Variants in GPM6A observed in about 807,000 individuals in gnomAD.
GPM6A encodes the protein glycoprotein M6A.
In GPM6A, 7 loss-of-function variants were observed where a neutral mutation model predicts 32.1. That is an observed-to-expected ratio of 0.22 (90% CI 0.12 to 0.41). The LOEUF (loss-of-function observed/expected upper bound fraction) is 0.41. Ranked by LOEUF, GPM6A falls within the 10% of genes least tolerant of loss-of-function variation. The pLI is 1.00. For missense variants in GPM6A, 235 were observed against 347.2 expected (o/e 0.68, Z 2.57); for synonymous variants, 130 against 123.4 (o/e 1.05, Z -0.35).
chr4:175,650,217 T>C (rs995056278), intron 4 of GPM6A, among the ~76,000 whole-genome samples: 1 of 152,246 alleles, frequency 6.6e-6, no homozygotes, highest in South Asian at 2.1e-4. Context: ...TTGCCCTAAA[T>C]AAAATAAAAC....
chr4:175,690,355 G>T (rs1156342671), intron 2 of GPM6A, among the ~76,000 whole-genome samples: 2 of 152,188 alleles, frequency 1.3e-5, no homozygotes, highest in African/African-American at 4.8e-5. Flanking sequence ...GGCAGGAAAT[G>T]CTGCAATAAA....
chr4:175,912,392 T>C (rs542557889), intron 1 of GPM6A, among the ~76,000 whole-genome samples: 2 of 152,220 alleles, frequency 1.3e-5, no homozygotes, highest in East Asian at 3.9e-4. Flanking sequence ...TGGTGGCTCA[T>C]ACCTGTAATC....
chr4:175,657,081 T>C (rs1244802829), intron 3 of GPM6A, among the ~76,000 whole-genome samples: 2 of 152,186 alleles, frequency 1.3e-5, no homozygotes. Context: ...ATAAAAATAG[T>C]TTGCTAAGTC....
At chr4:175,899,204 A>T (rs1737881353) in intron 1 of GPM6A, among the ~76,000 whole-genome samples, 1 of 152,088 alleles carries the variant, frequency 6.6e-6, no homozygotes, top group Non-Finnish European at 1.5e-5. Context: ...TTTTGTATTT[A>T]TTTGCTTTTC....
rs777167907 is a variant in GPM6A, at chr4:175,673,687, C to T, written c.380G>A (p.Ser127Asn). The T allele has an allele frequency of 6.2e-7, 1 of 1,608,084 alleles. No homozygotes were observed. The highest frequency in any genetic ancestry group is 8.5e-7 in the Non-Finnish European group (1 of 1,175,630). Reference sequence around the variant, plus strand: ...TGTAGAGAACTAACATACCCAAGCGCTCACACATCTGCCACAAGTGGTGAT... The same window carrying T: ...TGTAGAGAACTAACATACCCAAGCGTTCACACATCTGCCACAAGTGGTGAT... Reference protein sequence around the residue: ...FKITTCGRCVSAWFIMLTYLF... With the variant: ...FKITTCGRCVNAWFIMLTYLF... Residue 127 changes from serine to asparagine, a missense_variant, in exon 3 of 7, where the codon AGC (serine) becomes AAC (asparagine). Coordinates refer to ENST00000393658, the MANE Select transcript of GPM6A (RefSeq NM_201591.3).
chr4:175,891,017 T>C (rs1737632209), intron 1 of GPM6A, among the ~76,000 whole-genome samples: 1 of 152,192 alleles, frequency 6.6e-6, no homozygotes, highest in Non-Finnish European at 1.5e-5. Context: ...GCCCTTGACA[T>C]GTGTGAGCAA....
intron 1 of GPM6A, among the ~76,000 whole-genome samples, chr4:175,797,052 G>C (rs1461162547): frequency 1.3e-5 from 2 of 151,830 alleles, no homozygotes; most frequent in African/African-American, 4.8e-5. Flanking sequence ...AAAAATACTG[G>C]CAAATTTAAT....
chr4:175,772,936 C>G (rs1190106725), intron 1 of GPM6A, among the ~76,000 whole-genome samples: 2 of 152,150 alleles, frequency 1.3e-5, no homozygotes, highest in Non-Finnish European at 2.9e-5. Flanking sequence ...CTCTGGACCC[C>G]CTTGGTCAAT....
chr4:175,721,710 A>C (rs1004572162), intron 1 of GPM6A, among the ~76,000 whole-genome samples: 1 of 152,178 alleles, frequency 6.6e-6, no homozygotes. Context: ...TCGATGAAAA[A>C]CTGTTGACAC....
intron 1 of GPM6A, among the ~76,000 whole-genome samples, chr4:175,901,628 C>T (rs148315220): frequency 3.0e-4 from 38 of 126,958 alleles, no homozygotes; most frequent in South Asian, 7.1e-4. Flanking sequence ...TTTTCTTTTT[C>T]TTTTTTTTTT....
At chr4:175,956,450 T>G (rs1173147189) in intron 1 of GPM6A, among the ~76,000 whole-genome samples, 1 of 152,242 alleles carries the variant, frequency 6.6e-6, no homozygotes, top group Non-Finnish European at 1.5e-5. Flanking sequence ...TCTTTTTATT[T>G]GTTTATACTC....
chr4:175,931,644 T>C (rs1739040931), intron 1 of GPM6A, among the ~76,000 whole-genome samples: 1 of 151,328 alleles, frequency 6.6e-6, no homozygotes, highest in Non-Finnish European at 1.5e-5. Flanking sequence ...TAAGAGTCCA[T>C]TTCTGACAGA....
At position 175,697,269 on chromosome 4, in the gene GPM6A, T is replaced by C. The variant is rs1042339534; in HGVS notation, c.230+4306A>G. 4.6e-5 allele frequency among the ~76,000 whole-genome samples: 7 copies of C among 152,298 alleles called. No homozygotes were observed. In the East Asian group the frequency reaches 5.8e-4, roughly 13 times the overall value. On this transcript the variant is annotated intron_variant, in intron 2 of 6. Coordinates refer to ENST00000393658, the MANE Select transcript of GPM6A (RefSeq NM_201591.3). Reference sequence around the variant, plus strand: ...ATTTTCTAACAGTCTCCATATTTTATTGTCCCAAATGAATCTGCTTCACAG... The same window carrying C: ...ATTTTCTAACAGTCTCCATATTTTACTGTCCCAAATGAATCTGCTTCACAG...
At chr4:175,904,163 T>C (rs1011777401) in intron 1 of GPM6A, among the ~76,000 whole-genome samples, 2 of 152,084 alleles carry the variant, frequency 1.3e-5, no homozygotes, top group Non-Finnish European at 2.9e-5. Flanking sequence ...TCTATTATCA[T>C]TCTTAATAAA....
intron 1 of GPM6A, among the ~76,000 whole-genome samples, chr4:175,805,234 A>G (rs972342289): frequency 3.3e-5 from 5 of 152,184 alleles, no homozygotes; most frequent in African/African-American, 9.7e-5. Context: ...ATAAAACAAC[A>G]ATCGGAATAA....
intron 1 of GPM6A, among the ~76,000 whole-genome samples, chr4:175,804,124 A>G (rs1734584523): frequency 3.3e-5 from 5 of 152,196 alleles, no homozygotes. Flanking sequence ...TCAGTGTCAT[A>G]TCTAAGAGTT....
intron 2 of GPM6A, among the ~76,000 whole-genome samples, chr4:175,695,829 T>C (rs957676692): frequency 1.3e-5 from 2 of 152,178 alleles, no homozygotes; most frequent in Admixed American, 1.3e-4. Context: ...GATTTGGATC[T>C]GGTCCCCACT....
At chr4:175,958,365 T>C (rs1740055601) in intron 1 of GPM6A, among the ~76,000 whole-genome samples, 1 of 152,252 alleles carries the variant, frequency 6.6e-6, no homozygotes. Context: ...CACTGTTGAT[T>C]CAGAGGCATG....
At chr4:175,931,616 C>T (rs1463754263) in intron 1 of GPM6A, among the ~76,000 whole-genome samples, 1 of 150,780 alleles carries the variant, frequency 6.6e-6, no homozygotes, top group Admixed American at 6.6e-5. Context: ...AAAAACTTTT[C>T]CAGATACACA....
Sources: allele counts gnomAD v4.1 joint callset (sites outside exome capture counted in the v4.1 genomes callset), GRCh38; gene constraint gnomAD v4.1.1; transcripts MANE v1.5; gene names NCBI Gene and HGNC (gene_info 2026-07-23, HGNC 2026-07-21).